Variants in TMEM44 observed in about 807,000 individuals in gnomAD.
The protein encoded by TMEM44 is transmembrane protein 44.
In TMEM44, 43 loss-of-function variants were observed where a neutral mutation model predicts 47.8. That is an observed-to-expected ratio of 0.90 (90% CI 0.70 to 1.16). TMEM44 has a LOEUF of 1.16. TMEM44 is among the 50% of genes most tolerant of loss of function. TMEM44 has a pLI of 0.00. For synonymous variants in TMEM44, 277 were observed against 238.8 expected (o/e 1.16, Z -1.48); for missense variants, 568 against 555.2 (o/e 1.02, Z -0.23).
chr3:194,616,797 A>G (rs1413744705), intron 6 of TMEM44: 1 of 442,586 alleles, frequency 2.3e-6, no homozygotes, highest in South Asian at 2.0e-5. Context: ...CGGGAGGCTG[A>G]GGCAGGAGAA....
At position 194,615,655 on chromosome 3, in the gene TMEM44, C is replaced by T; in HGVS notation, c.826G>A (p.Ala276Thr). The change falls in exon 7 of 10, where the codon GCC becomes ACC. Residue 276 changes from alanine to threonine, a missense_variant. Physicochemically the swap from Ala to Thr is moderately conservative, Grantham distance 58. Coordinates refer to ENST00000347147, the MANE Select transcript of TMEM44 (RefSeq NM_001011655.3). ...CTGGCTTCCTTGGCAAATCCTAAGGCCTGTCTCATCTTGCTCTTCATCACA... is the reference window on the plus strand; with the variant it reads ...CTGGCTTCCTTGGCAAATCCTAAGGTCTGTCTCATCTTGCTCTTCATCACA... ...SCVMKSKMRQ[A>T]LGFAKEARES... is the part of the protein sequence containing the mutation. 1 of 1,614,108 alleles carries T rather than the reference C, an allele frequency of 6.2e-7. No individual in the cohort carries two copies. The highest frequency in any genetic ancestry group is 8.5e-7 in the Non-Finnish European group (1 of 1,180,006).
intron 9 of TMEM44, among the ~76,000 whole-genome samples, chr3:194,598,947 A>G (rs899133321): frequency 6.6e-6 from 1 of 152,216 alleles, no homozygotes; most frequent in Non-Finnish European, 1.5e-5. Flanking sequence ...ATCAAACGGA[A>G]GCCGAGTTGG....
At chr3:194,609,897 C>G (rs1330577622) in intron 8 of TMEM44, among the ~76,000 whole-genome samples, 2 of 152,114 alleles carry the variant, frequency 1.3e-5, no homozygotes, top group Non-Finnish European at 2.9e-5. Flanking sequence ...GACCCTGAGT[C>G]TCCAGTACTC....
At chr3:194,626,449 C>T (rs189236931) in intron 2 of TMEM44, among the ~76,000 whole-genome samples, 1 of 152,300 alleles carries the variant, frequency 6.6e-6, no homozygotes, top group African/African-American at 2.4e-5. Context: ...AAGCAAACTA[C>T]CTCTAAAGGC....
rs1375015805 is a variant in TMEM44, at chr3:194,611,938, C to T, written c.913-918G>A. ...GTGGGAGGCGGAGGCAGGAGAATCG[C>T]TTGAACCCAGGAGGCGGAGGTTGCA... On this transcript the variant is annotated intron_variant, in intron 7 of 9. Coordinates refer to ENST00000347147, the MANE Select transcript of TMEM44 (RefSeq NM_001011655.3). The surrounding 1 kb of genome is among the most constrained non-coding windows in gnomAD (Gnocchi z 4.2). Among the ~76,000 whole-genome samples, 2 of 151,996 alleles carry T rather than the reference C, an allele frequency of 1.3e-5. No homozygotes were observed. The highest frequency in any genetic ancestry group is 2.9e-5 in the Non-Finnish European group (2 of 68,012).
Position 194,592,110 on chromosome 3 carries a change from C to T in TMEM44, c.1177-3471G>A, listed in dbSNP as rs558129279. On this transcript the variant is annotated intron_variant, in intron 9 of 9. Coordinates refer to ENST00000347147, the MANE Select transcript of TMEM44 (RefSeq NM_001011655.3). Reference sequence around the variant, plus strand: ...GCGGGCGCCTGTAGTCCCAGCTACTCGGGAGGCTGAGGCAGGAGAATGGCA... The same window carrying T: ...GCGGGCGCCTGTAGTCCCAGCTACTTGGGAGGCTGAGGCAGGAGAATGGCA... Among the ~76,000 whole-genome samples the T allele has an allele frequency of 5.3e-3, 805 of 151,228 alleles. 5 individuals carry two copies. Among genetic ancestry groups the T allele is most frequent in the Non-Finnish European group, 8.5e-3 (579 of 67,900 alleles).
intron 6 of TMEM44, chr3:194,616,452 C>A: frequency 2.5e-6 from 1 of 403,496 alleles, no homozygotes; most frequent in African/African-American, 2.1e-5. Flanking sequence ...GCTGGGGTCC[C>A]TATAAGAAAA....
At chr3:194,612,809 C>T (rs7621868) in intron 7 of TMEM44, among the ~76,000 whole-genome samples, 57,644 of 151,572 alleles carry the variant, frequency 0.38, 11,755 homozygotes, top group East Asian at 0.78. Context: ...GGACTACAGG[C>T]ACCCGCCACC....
rs1200276356 is a variant in TMEM44 at position 194,617,158 on chromosome 3, G to C, written c.724C>G (p.Leu242Val). Residue 242 changes from leucine to valine, a missense_variant, in exon 6 of 10, where the codon CTG becomes GTG. Transcript: ENST00000347147. ...AGGAACCAGGGTGTGGCCCGCAGCA[G>C]GTACTCAGGGTGCTGGTCGTGGGCC... ...IVAHDQHPEY[L>V]LRATPWFLTS... 1 of 1,558,704 alleles carries C rather than the reference G, an allele frequency of 6.4e-7. No homozygotes were observed. Among genetic ancestry groups the C allele is most frequent in the African/African-American group, 1.4e-5 (1 of 73,604 alleles).
chr3:194,623,706 C>T lies in TMEM44; in HGVS notation c.359-11G>A, dbSNP rs754872193. 5.8e-5 allele frequency: 93 copies of T among 1,613,918 alleles called. No individual in the cohort carries two copies. Among genetic ancestry groups the T allele is most frequent in the Non-Finnish European group, 7.5e-5 (88 of 1,179,968 alleles). On this transcript the variant is annotated splice_polypyrimidine_tract_variant and intron_variant, in intron 3 of 9. Coordinates refer to ENST00000347147, the MANE Select transcript of TMEM44 (RefSeq NM_001011655.3). ...CTCGGGCTTCCCGATCTGCAACAGA[C>T]ACCAAAATCCCACATGGCTCCTGGA...
At chr3:194,603,285 C>A (rs1404906479) in intron 9 of TMEM44, among the ~76,000 whole-genome samples, 1 of 152,250 alleles carries the variant, frequency 6.6e-6, no homozygotes, top group African/African-American at 2.4e-5. Context: ...CAGGTGTCAG[C>A]CGTGGTGCCC....
chr3:194,619,525 T>C (rs1716297824), intron 5 of TMEM44, among the ~76,000 whole-genome samples: 1 of 152,184 alleles, frequency 6.6e-6, no homozygotes, highest in South Asian at 2.1e-4. Context: ...AGCACAACGC[T>C]TCACTCATCA....
At chr3:194,632,869 C>T in intron 1 of TMEM44, 1 of 857,934 alleles carries the variant, frequency 1.2e-6, no homozygotes, top group South Asian at 1.8e-5. Context: ...CCAGCCTCCT[C>T]CCTTTGGCTC....
chr3:194,605,888 GCT>G (rs1191908798), intron 8 of TMEM44, among the ~76,000 whole-genome samples: 1 of 150,154 alleles, frequency 6.7e-6, no homozygotes, highest in Non-Finnish European at 1.5e-5. Context: ...ATCCAGCGGG[GCT>G]TCAGCCCTTG....
intron 9 of TMEM44, among the ~76,000 whole-genome samples, chr3:194,598,359 A>G (rs980830535): frequency 4.6e-5 from 7 of 152,196 alleles, no homozygotes; most frequent in African/African-American, 7.2e-5. Context: ...TAAAATGGGA[A>G]TAATGGATAA....
chr3:194,629,474 G>A (rs957951357), intron 1 of TMEM44, among the ~76,000 whole-genome samples: 2 of 152,270 alleles, frequency 1.3e-5, no homozygotes, highest in Non-Finnish European at 2.9e-5. Context: ...TTCTATCAGC[G>A]TCACTGATAG....
At chr3:194,632,831 G>A (rs1717959699) in intron 1 of TMEM44, 1 of 537,102 alleles carries the variant, frequency 1.9e-6, no homozygotes, top group Non-Finnish European at 3.1e-6. Context: ...GGCTCGCGGT[G>A]TCCTCGGGGC....
At chr3:194,615,522 T>A in intron 7 of TMEM44, 47 bp downstream of exon 7, 1 of 1,602,260 alleles carries the variant, frequency 6.2e-7, no homozygotes, top group Non-Finnish European at 8.5e-7. Context: ...ATACTGTTGC[T>A]GGGACCAGAG....
chr3:194,616,334 G>A, intron 6 of TMEM44: 1 of 299,512 alleles, frequency 3.3e-6, no homozygotes. Flanking sequence ...TTACAGTCGT[G>A]AGCCACCGTG....
Sources: allele counts gnomAD v4.1 joint callset (sites outside exome capture counted in the v4.1 genomes callset), GRCh38; gene constraint gnomAD v4.1.1; non-coding constraint Gnocchi (gnomAD v3.1); transcripts MANE v1.5; gene names NCBI Gene and HGNC (gene_info 2026-07-23, HGNC 2026-07-21).